LYRM4: variants seen among roughly 807,000 people sequenced by gnomAD.
LYRM4 encodes LYR motif containing 4.
Under a neutral mutation model 11.7 loss-of-function variants are expected in LYRM4, and 9 were observed. That is an observed-to-expected ratio of 0.77 (90% CI 0.46 to 1.34). LYRM4 has a LOEUF of 1.34. Among genes scored for constraint, LYRM4 ranks in the 40% most tolerant of loss-of-function variants. The pLI is 0.00. For missense variants in LYRM4, 133 were observed against 112.5 expected (o/e 1.18, Z -0.82); for synonymous variants, 42 against 40.4 (o/e 1.04, Z -0.15).
intron 2 of LYRM4, among the ~76,000 whole-genome samples, chr6:5,128,398 C>G (rs559298813): frequency 1.3e-5 from 2 of 152,116 alleles, no homozygotes; most frequent in Non-Finnish European, 2.9e-5. Context: ...ATACAAATTG[C>G]GTCCCTAGCT....
At chr6:5,141,558 G>C (rs1196469318) in intron 2 of LYRM4, among the ~76,000 whole-genome samples, 1 of 152,136 alleles carries the variant, frequency 6.6e-6, no homozygotes, top group African/African-American at 2.4e-5. Context: ...ATATCAAAAC[G>C]CATACTAACA....
chr6:5,158,178 T>C (rs931887078), intron 2 of LYRM4, among the ~76,000 whole-genome samples: 4 of 152,242 alleles, frequency 2.6e-5, no homozygotes, highest in Non-Finnish European at 5.9e-5. Context: ...TGCATGTATG[T>C]TCACAGTATG....
rs1035371356 is a variant in LYRM4, at chr6:5,211,443, GA to G, written c.207+5174del. Among the ~76,000 whole-genome samples the G allele has an allele frequency of 2.7e-4, 40 of 150,254 alleles. 3 individuals carry two copies. Among genetic ancestry groups the G allele is most frequent in the African/African-American group, 9.3e-4 (38 of 40,964 alleles). ...TACTTTGCTTAGCGATCTACAAAAG[GA>G]AAAAAAAAGTGTAAGCTAAGAAACA... is the stretch of plus-strand genomic sequence containing the variant. On this transcript the variant is annotated intron_variant, in intron 2 of 2. Transcript: ENST00000330636.
intron 2 of LYRM4, among the ~76,000 whole-genome samples, chr6:5,158,013 A>G (rs1758517506): frequency 6.6e-6 from 1 of 152,192 alleles, no homozygotes; most frequent in Non-Finnish European, 1.5e-5. Context: ...GGCAACAACA[A>G]CACAAGCCAC....
chr6:5,223,540 C>T (rs1194330290), intron 1 of LYRM4, among the ~76,000 whole-genome samples: 2 of 152,066 alleles, frequency 1.3e-5, no homozygotes, highest in Non-Finnish European at 2.9e-5. Flanking sequence ...TGGTATAAAG[C>T]CGAGTGGTTG....
At chr6:5,112,203 T>C (rs1022877442) in intron 2 of LYRM4, among the ~76,000 whole-genome samples, 1 of 152,094 alleles carries the variant, frequency 6.6e-6, no homozygotes, top group Non-Finnish European at 1.5e-5. Context: ...GCCATCTGTG[T>C]GGTCTGTGTG....
At chr6:5,082,937 T>G in the LYRM4 span, among the ~76,000 whole-genome samples, 2 of 152,180 alleles carry the variant, frequency 1.3e-5, no homozygotes, top group Non-Finnish European at 2.9e-5. Flanking sequence ...CCACCTCACC[T>G]TCCTCACAGG....
At chr6:5,135,029 G>A (rs1443340191) in intron 2 of LYRM4, among the ~76,000 whole-genome samples, 93 of 102,402 alleles carry the variant, frequency 9.1e-4, no homozygotes, top group Middle Eastern at 4.9e-3. Context: ...GGTGCGGATC[G>A]CTCCCGGGGC....
At chr6:5,178,927 G>A (rs957945935) in intron 2 of LYRM4, among the ~76,000 whole-genome samples, 4 of 148,380 alleles carry the variant, frequency 2.7e-5, no homozygotes, top group Non-Finnish European at 4.5e-5. Flanking sequence ...TGAATCCACC[G>A]TTTCAAAAGC....
intron 2 of LYRM4, among the ~76,000 whole-genome samples, chr6:5,172,047 T>TAGGG (rs1172553288): frequency 6.6e-6 from 1 of 152,120 alleles, no homozygotes; most frequent in Non-Finnish European, 1.5e-5. Flanking sequence ...TCGTGTCCTT[T>TAGGG]AGGGAAAGCT....
intron 2 of LYRM4, among the ~76,000 whole-genome samples, chr6:5,214,311 A>G (rs1393419042): frequency 6.6e-6 from 1 of 152,166 alleles, no homozygotes; most frequent in Non-Finnish European, 1.5e-5. Flanking sequence ...GGAGGGAGCT[A>G]CAGGAACATT....
At chr6:5,090,857 C>A in the LYRM4 span, among the ~76,000 whole-genome samples, 1 of 152,214 alleles carries the variant, frequency 6.6e-6, no homozygotes, top group African/African-American at 2.4e-5. This position sits in a 1 kb window ranked among gnomAD's most constrained non-coding sequence, Gnocchi z 4.8. Flanking sequence ...AGGCTAAGAT[C>A]TTTCATTCCC....
intron 2 of LYRM4, among the ~76,000 whole-genome samples, chr6:5,188,315 T>G (rs1443201753): frequency 6.6e-6 from 1 of 151,448 alleles, no homozygotes; most frequent in African/African-American, 2.4e-5. Flanking sequence ...AGAAGTGCCA[T>G]GAGATCACAC....
downstream of LYRM4, among the ~76,000 whole-genome samples, chr6:5,101,434 C>T (rs533559553): frequency 5.3e-4 from 80 of 152,300 alleles, no homozygotes; most frequent in South Asian, 3.9e-3. Context: ...CTTTGTGTTA[C>T]GCACTGAAAA....
chr6:5,222,782 G>T, intron 1 of LYRM4, among the ~76,000 whole-genome samples: 1 of 124,066 alleles, frequency 8.1e-6, no homozygotes, highest in East Asian at 2.5e-4. Flanking sequence ...AAAAAAGAAA[G>T]ATTAGAATGC....
At chr6:5,046,292 GC>G in the LYRM4 span, among the ~76,000 whole-genome samples, 13 of 152,128 alleles carry the variant, frequency 8.5e-5, no homozygotes, top group African/African-American at 2.9e-4. Context: ...GACTACAGGT[GC>G]CCGCCACCAC....
At position 5,108,602 on chromosome 6, in the gene LYRM4, G is replaced by A. The variant is rs913496582; in HGVS notation, c.*821C>T. ...GTGCTGAGAGATGTCTTTTTAAAAA[G>A]CTCTCCAACTCTCCAGGTGCTTCTG... On this transcript the variant is annotated 3_prime_UTR_variant, in exon 3 of 3. Transcript: ENST00000330636. The A allele has an allele frequency of 2.9e-5, 10 of 349,766 alleles. No individual in the cohort carries two copies. Among genetic ancestry groups the A allele is most frequent in the Non-Finnish European group, 3.6e-5 (9 of 248,680 alleles). The allele number at this position is 349,766 out of a possible 1,614,324, so 21.7% of individuals were successfully genotyped here.
At chr6:5,119,194 GT>G (rs760612891) in intron 2 of LYRM4, among the ~76,000 whole-genome samples, 5 of 152,176 alleles carry the variant, frequency 3.3e-5, no homozygotes, top group Non-Finnish European at 7.3e-5. Context: ...CCTCTGTGTT[GT>G]TGCTGGCAGA....
chr6:5,124,968 T>G (rs968389488), intron 2 of LYRM4, among the ~76,000 whole-genome samples: 1 of 152,200 alleles, frequency 6.6e-6, no homozygotes, highest in Non-Finnish European at 1.5e-5. Flanking sequence ...CCCCCTGAAG[T>G]TGGGATGAGC....
Sources: allele counts gnomAD v4.1 joint callset (sites outside exome capture counted in the v4.1 genomes callset), GRCh38; gene constraint gnomAD v4.1.1; non-coding constraint Gnocchi (gnomAD v3.1); transcripts MANE v1.5; gene names NCBI Gene and HGNC (gene_info 2026-07-23, HGNC 2026-07-21).